Variants in ZBTB7C observed in about 807,000 individuals in gnomAD.
ZBTB7C encodes zinc finger and BTB domain containing 7C.
A neutral mutation model predicts 25.7 loss-of-function variants in ZBTB7C; 8 were observed. That is an observed-to-expected ratio of 0.31 (90% CI 0.18 to 0.56). The LOEUF is 0.56. Among genes scored for constraint, ZBTB7C ranks in the 20% least tolerant of loss-of-function variants. ZBTB7C has a pLI of 0.91. For missense variants in ZBTB7C, 824 were observed against 855.2 expected (o/e 0.96, Z 0.46); for synonymous variants, 394 against 369.0 (o/e 1.07, Z -0.78).
intron 2 of ZBTB7C, among the ~76,000 whole-genome samples, chr18:48,222,352 C>A (rs2042984382): frequency 6.6e-6 from 1 of 152,194 alleles, no homozygotes; most frequent in Non-Finnish European, 1.5e-5. Flanking sequence ...TGGAGCTCAG[C>A]CAACACACAT....
intron 1 of ZBTB7C, among the ~76,000 whole-genome samples, chr18:48,368,828 A>T (rs1037003636): frequency 2.0e-4 from 6 of 29,338 alleles, no homozygotes; most frequent in African/African-American, 9.7e-4. Context: ...CAGTGAAAAG[A>T]CCCTTCTGGA....
intron 3 of ZBTB7C, among the ~76,000 whole-genome samples, chr18:48,042,410 A>G (rs2036288548): frequency 6.6e-6 from 1 of 152,236 alleles, no homozygotes; most frequent in Non-Finnish European, 1.5e-5. Context: ...CCTGGCCCTT[A>G]TCTTGGTACA....
chr18:48,210,694 G>A (rs11877748), intron 2 of ZBTB7C, among the ~76,000 whole-genome samples: 11 of 151,682 alleles, frequency 7.3e-5, no homozygotes, highest in African/African-American at 2.2e-4. Flanking sequence ...TAATGGGTAC[G>A]AGGTGTCTCC....
chr18:48,208,170 G>C (rs1216123419), intron 2 of ZBTB7C, among the ~76,000 whole-genome samples: 1 of 152,152 alleles, frequency 6.6e-6, no homozygotes, highest in Non-Finnish European at 1.5e-5. Flanking sequence ...TTGGGGAACA[G>C]AGCAGCTGTT....
At chr18:48,041,875 T>G (rs1318970005) in intron 3 of ZBTB7C, among the ~76,000 whole-genome samples, 1 of 149,120 alleles carries the variant, frequency 6.7e-6, no homozygotes, top group African/African-American at 2.6e-5. Context: ...TAAATTCAAG[T>G]ACATTGTTAG....
At chr18:48,289,106 G>A (rs2144676516) in intron 2 of ZBTB7C, among the ~76,000 whole-genome samples, 1 of 152,236 alleles carries the variant, frequency 6.6e-6, no homozygotes, top group East Asian at 1.9e-4. Context: ...GACAGGATCG[G>A]GCATTGATTG....
chr18:48,266,516 G>A (rs956527513), intron 2 of ZBTB7C, among the ~76,000 whole-genome samples: 1 of 152,218 alleles, frequency 6.6e-6, no homozygotes, highest in African/African-American at 2.4e-5. Flanking sequence ...CTGCATTCTA[G>A]CACTATAGAG....
chr18:48,141,907 G>A (rs1164201207), intron 3 of ZBTB7C, among the ~76,000 whole-genome samples: 6 of 152,156 alleles, frequency 3.9e-5, no homozygotes, highest in African/African-American at 1.4e-4. Flanking sequence ...GATTGTAATG[G>A]CATGGCTCTA....
chr18:48,313,519 G>T (rs1213721985), intron 2 of ZBTB7C, among the ~76,000 whole-genome samples: 1 of 152,194 alleles, frequency 6.6e-6, no homozygotes, highest in Non-Finnish European at 1.5e-5. Context: ...CTAGTTCCTT[G>T]TTACTCAAAG....
chr18:48,284,919 C>A (rs976239580), intron 2 of ZBTB7C, among the ~76,000 whole-genome samples: 1 of 152,120 alleles, frequency 6.6e-6, no homozygotes, highest in African/African-American at 2.4e-5. Flanking sequence ...GATAAGACTG[C>A]CTTTATCTTA....
chr18:48,335,162 G>C (rs967090509), intron 2 of ZBTB7C, among the ~76,000 whole-genome samples: 1 of 152,232 alleles, frequency 6.6e-6, no homozygotes, highest in Non-Finnish European at 1.5e-5. Context: ...AAAGTGGCCC[G>C]GTTCTCATGC....
At position 48,040,466 on chromosome 18, in the gene ZBTB7C, G is replaced by T; in HGVS notation, c.642C>A (p.Gly214=). Reference sequence around the variant, plus strand: ...GGATCACCCCCAGATGGCCAGGACTGCCAGCCTGGAAGGAGTCAGGGAAGT... The same window carrying T: ...GGATCACCCCCAGATGGCCAGGACTTCCAGCCTGGAAGGAGTCAGGGAAGT... The part of the protein sequence containing the change: ...PRDFPDSFQA[G]SPGHLGVIRD... Residue 214 remains glycine (G), a synonymous_variant, in exon 4 of 5, where the codon GGC becomes GGA. Coordinates refer to ENST00000590800, the MANE Select transcript of ZBTB7C (RefSeq NM_001318841.2). 1 of 1,608,366 alleles carries T rather than the reference G, an allele frequency of 6.2e-7. No homozygotes were observed. The highest frequency in any genetic ancestry group is 1.1e-5 in the South Asian group (1 of 90,042).
At chr18:48,271,511 TTA>T (rs2044484794) in intron 2 of ZBTB7C, among the ~76,000 whole-genome samples, 1 of 147,220 alleles carries the variant, frequency 6.8e-6, no homozygotes, top group Admixed American at 6.8e-5. Context: ...ATATAGTATT[TTA>T]TATATAGCAT....
intron 1 of ZBTB7C, among the ~76,000 whole-genome samples, chr18:48,341,992 C>T (rs550996580): frequency 1.2e-3 from 185 of 152,306 alleles, no homozygotes; most frequent in Non-Finnish European, 1.8e-3. Flanking sequence ...TTGTGGGGCT[C>T]AGGCAGGGAC....
chr18:48,213,518 C>G (rs1319830339), intron 2 of ZBTB7C, among the ~76,000 whole-genome samples: 2 of 152,210 alleles, frequency 1.3e-5, no homozygotes, highest in Non-Finnish European at 2.9e-5. Context: ...ACTGTATCCC[C>G]ATGATAACAG....
chr18:48,185,706 T>C (rs2042037921), intron 3 of ZBTB7C, among the ~76,000 whole-genome samples: 1 of 152,116 alleles, frequency 6.6e-6, no homozygotes, highest in African/African-American at 2.4e-5. Context: ...CATGAGCCAG[T>C]GGGAACATTC....
At chr18:48,143,657 C>T (rs764034132) in intron 3 of ZBTB7C, among the ~76,000 whole-genome samples, 4 of 152,170 alleles carry the variant, frequency 2.6e-5, no homozygotes, top group Non-Finnish European at 5.9e-5. Flanking sequence ...TCCTTGGGCC[C>T]TGTCTTTGGC....
At chr18:48,315,353 T>C (rs1030291822) in intron 2 of ZBTB7C, among the ~76,000 whole-genome samples, 5 of 152,294 alleles carry the variant, frequency 3.3e-5, no homozygotes, top group African/African-American at 9.6e-5. Context: ...TTCTGTGATC[T>C]AGTGAGGAAA....
At chr18:48,304,771 G>T (rs531991885) in intron 2 of ZBTB7C, among the ~76,000 whole-genome samples, 109 of 148,698 alleles carry the variant, frequency 7.3e-4, no homozygotes, top group African/African-American at 2.4e-3. Flanking sequence ...AACTTGGGAG[G>T]TGGAGGTTGC....
Sources: gnomAD v4.1 joint callset for allele counts (sites outside exome capture counted in the v4.1 genomes callset) on GRCh38, gnomAD v4.1.1 for gene constraint, MANE v1.5 for transcripts, NCBI Gene and HGNC (gene_info 2026-07-23, HGNC 2026-07-21) for gene names.